Variants in NAT1 observed in about 807,000 individuals in gnomAD.
The protein encoded by NAT1 is N-acetyltransferase 1.
For synonymous variants in NAT1, 144 were observed against 122.6 expected, an observed-to-expected ratio of 1.17 and a Z score of -1.16; for missense variants, 400 against 339.2, an observed-to-expected ratio of 1.18 and a Z score of -1.41.
At chr8:18,205,728 G>A (rs765892374), upstream of NAT1, among the ~76,000 whole-genome samples, 1 of 152,204 alleles carries the variant, frequency 6.6e-6, no homozygotes, top group Non-Finnish European at 1.5e-5. Context: ...GTGTGGAGAG[G>A]GTGCATGCAG....
At chr8:18,179,136 C>G (rs1294087167) in intron 2 of NAT1, among the ~76,000 whole-genome samples, 3 of 152,092 alleles carry the variant, frequency 2.0e-5, no homozygotes, top group Non-Finnish European at 4.4e-5. Flanking sequence ...ATCTACTGCA[C>G]AGTATTTGCC....
At chr8:18,190,014 T>G (rs1025390131) in intron 2 of NAT1, among the ~76,000 whole-genome samples, 8 of 152,198 alleles carry the variant, frequency 5.3e-5, no homozygotes, top group African/African-American at 1.9e-4. Flanking sequence ...GGTCTCGAAC[T>G]CCTGACCACA....
In NAT1 at chr8:18,204,894, G is replaced by A. The variant is rs115345113; in HGVS notation, n.93-4887G>A. ...TTGATGACCATGAAGTTTTGATTGC[G>A]GTGTAAAGTGGAATGAAGTGACTGA... On this transcript the variant is annotated intron_variant and non_coding_transcript_variant, in intron 2 of 4. Transcript: ENST00000517441. Among the ~76,000 whole-genome samples, 1,046 of 152,236 alleles carry A rather than the reference G, an allele frequency of 6.9e-3. 11 individuals are homozygous for A. The highest frequency in any genetic ancestry group is 0.023 in the African/African-American group (941 of 41,536).
At chr8:18,171,444 G>T (rs1802094911) in intron 2 of NAT1, among the ~76,000 whole-genome samples, 2 of 152,158 alleles carry the variant, frequency 1.3e-5, no homozygotes, top group African/African-American at 4.8e-5. Context: ...CTAAGGACAT[G>T]AAGAAAGAGG....
chr8:18,177,965 G>C (rs1802355114), intron 2 of NAT1, among the ~76,000 whole-genome samples: 1 of 152,068 alleles, frequency 6.6e-6, no homozygotes, highest in African/African-American at 2.4e-5. Context: ...GATTCAGTGA[G>C]AAACAGCTGA....
intron 2 of NAT1, among the ~76,000 whole-genome samples, chr8:18,198,964 CTT>C (rs199668759): frequency 6.6e-6 from 1 of 151,576 alleles, no homozygotes; most frequent in Admixed American, 6.6e-5. Context: ...AGTGTTTTCT[CTT>C]TTTTTTGGAA....
In NAT1 at chr8:18,222,475, A is replaced by C; in HGVS notation, c.428A>C (p.Gln143Pro). ...QPLELISGKD[Q>P]PQVPCVFRLT... ...CTGGAGTTAATTTCTGGGAAGGATC[A>C]GCCTCAGGTGCCTTGTGTCTTCCGT... is the stretch of plus-strand genomic sequence containing the variant. The change falls in exon 3 of 3, where the codon CAG becomes CCG. Residue 143 changes from glutamine to proline, a missense_variant. By Grantham distance (76) the Gln-to-Pro change is moderately conservative. Coordinates refer to ENST00000307719, the MANE Select transcript of NAT1 (RefSeq NM_000662.8). 6.2e-7 allele frequency: 1 copy of C among 1,614,132 alleles called. No individual in the cohort carries two copies. Among genetic ancestry groups the C allele is most frequent in the Non-Finnish European group, 8.5e-7 (1 of 1,180,016 alleles).
intron 2 of NAT1, among the ~76,000 whole-genome samples, chr8:18,220,250 T>C (rs1363036534): frequency 3.3e-5 from 5 of 152,142 alleles, no homozygotes; most frequent in Admixed American, 2.0e-4. Flanking sequence ...GGAGAAATGA[T>C]GTTGTAGACA....
chr8:18,174,067 G>C (rs1467454167), intron 2 of NAT1, among the ~76,000 whole-genome samples: 1 of 152,132 alleles, frequency 6.6e-6, no homozygotes, highest in Non-Finnish European at 1.5e-5. Context: ...TGTGTGTGAT[G>C]AATGGCTCAC....
intron 2 of NAT1, among the ~76,000 whole-genome samples, chr8:18,205,017 T>G (rs968402504): frequency 6.6e-6 from 1 of 152,182 alleles, no homozygotes; most frequent in Non-Finnish European, 1.5e-5. Flanking sequence ...CCTGACTTTG[T>G]CCTCTGGCTC....
chr8:18,198,066 G>C (rs986915531), intron 2 of NAT1, among the ~76,000 whole-genome samples: 4 of 152,104 alleles, frequency 2.6e-5, no homozygotes, highest in Non-Finnish European at 5.9e-5. Flanking sequence ...ACAAATTTTA[G>C]AGATACCATG....
chr8:18,199,753 G>A (rs187644729), intron 2 of NAT1, among the ~76,000 whole-genome samples: 4 of 152,270 alleles, frequency 2.6e-5, no homozygotes, highest in Admixed American at 2.0e-4. Flanking sequence ...TTTACAATGA[G>A]TGGTTATTAC....
chr8:18,172,552 T>C (rs1280791119), intron 2 of NAT1, among the ~76,000 whole-genome samples: 2 of 152,198 alleles, frequency 1.3e-5, no homozygotes, highest in Admixed American at 6.5e-5. Flanking sequence ...CCTGTGCCCA[T>C]GCTGTTTCTC....
intron 1 of NAT1, chr8:18,212,458 C>T (rs1340529725): frequency 2.6e-5 from 4 of 152,214 alleles, no homozygotes; most frequent in Admixed American, 2.6e-4. Flanking sequence ...GACAAGAATC[C>T]ATGTGTGTGT....
intron 2 of NAT1, among the ~76,000 whole-genome samples, chr8:18,179,326 G>C (rs1039367493): frequency 8.5e-5 from 13 of 152,180 alleles, no homozygotes; most frequent in Admixed American, 4.6e-4. Flanking sequence ...ATAGGGAAGA[G>C]AGAGAATGAA....
At chr8:18,209,721 G>C (rs1057226934), upstream of NAT1, 1 of 152,158 alleles carries the variant, frequency 6.6e-6, no homozygotes, top group Non-Finnish European at 1.5e-5. Flanking sequence ...GATGAAGAAA[G>C]TATACCATAA....
Position 18,219,117 on chromosome 8 carries a change from C to T in NAT1, c.-85-294C>T, listed in dbSNP as rs28359518. ...TCACCCTTCCTTGCTGATCTCATGA[C>T]AGTTCATCAGCTGGTGGGTTGCCTC... On this transcript the variant is annotated intron_variant, in intron 1 of 2. Transcript: ENST00000307719. Among the ~76,000 whole-genome samples, 1,077 of 152,194 alleles carry T rather than the reference C, an allele frequency of 7.1e-3. 8 individuals carry two copies. Among genetic ancestry groups the T allele is most frequent in the African/African-American group, 0.024 (989 of 41,528 alleles).
chr8:18,185,771 G>T (rs1802707474), intron 2 of NAT1, among the ~76,000 whole-genome samples: 1 of 151,784 alleles, frequency 6.6e-6, no homozygotes, highest in Admixed American at 6.6e-5. Flanking sequence ...TCTTACGTAT[G>T]CTTAAAATTC....
intron 2 of NAT1, among the ~76,000 whole-genome samples, chr8:18,192,553 C>T (rs1158127827): frequency 2.6e-5 from 4 of 152,044 alleles, no homozygotes; most frequent in Admixed American, 6.6e-5. Flanking sequence ...ATGTTTATTG[C>T]GGCACTATGC....
Sources: gnomAD v4.1 joint callset for allele counts (sites outside exome capture counted in the v4.1 genomes callset) on GRCh38, gnomAD v4.1.1 for gene constraint, MANE v1.5 for transcripts, NCBI Gene and HGNC (gene_info 2026-07-23, HGNC 2026-07-21) for gene names.